Variants in DOCK3 observed in about 807,000 individuals in gnomAD.
DOCK3 encodes dedicator of cytokinesis 3.
DOCK3 carries 60 observed loss-of-function variants against 265.6 expected under a neutral mutation model. That is an observed-to-expected ratio of 0.23 (90% CI 0.18 to 0.28). The LOEUF (loss-of-function observed/expected upper bound fraction) is 0.28. DOCK3 is among the 10% of genes least tolerant of loss of function. The pLI is 1.00. For synonymous variants in DOCK3, 881 were observed against 938.0 expected (o/e 0.94, Z 1.11); for missense variants, 1,981 against 2,594.3 (o/e 0.76, Z 5.14).
chr3:51,011,523 G>A (rs544512411), intron 5 of DOCK3, among the ~76,000 whole-genome samples: 5 of 152,208 alleles, frequency 3.3e-5, no homozygotes, highest in South Asian at 2.1e-4. Context: ...TTAGCCATTC[G>A]TCTAATCTTT....
intron 51 of DOCK3, 65 bp downstream of exon 51, chr3:51,375,900 C>A: frequency 6.4e-7 from 1 of 1,561,364 alleles, no homozygotes; most frequent in Non-Finnish European, 8.8e-7. Context: ...ACTCTTGTCC[C>A]TGAGTACCAG....
At chr3:51,202,539 C>A (rs937586565) in intron 12 of DOCK3, among the ~76,000 whole-genome samples, 2 of 152,066 alleles carry the variant, frequency 1.3e-5, no homozygotes, top group Non-Finnish European at 2.9e-5. Flanking sequence ...GCTTGCCAAC[C>A]AAAAAGAGTC....
chr3:51,036,813 T>G (rs1187857831), intron 5 of DOCK3, among the ~76,000 whole-genome samples: 1 of 152,056 alleles, frequency 6.6e-6, no homozygotes, highest in African/African-American at 2.4e-5. Flanking sequence ...AATCATGGGG[T>G]GGGTCTTTCC....
At chr3:50,727,857 T>TA (rs1205294493) in intron 1 of DOCK3, among the ~76,000 whole-genome samples, 2 of 152,186 alleles carry the variant, frequency 1.3e-5, no homozygotes, top group Non-Finnish European at 2.9e-5. Context: ...ACATCTATAA[T>TA]AATAGCTGGA....
At chr3:51,366,231 C>A (rs1239900002) in intron 49 of DOCK3, among the ~76,000 whole-genome samples, 1 of 152,052 alleles carries the variant, frequency 6.6e-6, no homozygotes, top group Non-Finnish European at 1.5e-5. Flanking sequence ...TGTATGTGTC[C>A]AGGAATTTAT....
chr3:50,865,851 G>T (rs1443874820), intron 3 of DOCK3, among the ~76,000 whole-genome samples: 1 of 152,142 alleles, frequency 6.6e-6, no homozygotes, highest in Non-Finnish European at 1.5e-5. Context: ...CATTTTAACT[G>T]GGGTGAGATG....
At chr3:51,168,055 A>G (rs1413984837) in intron 12 of DOCK3, among the ~76,000 whole-genome samples, 1 of 152,216 alleles carries the variant, frequency 6.6e-6, no homozygotes, top group East Asian at 1.9e-4. Flanking sequence ...ACTATTGAAT[A>G]TGATATTAGC....
At chr3:51,069,887 A>C (rs1392139147) in intron 6 of DOCK3, among the ~76,000 whole-genome samples, 1 of 152,156 alleles carries the variant, frequency 6.6e-6, no homozygotes, top group Non-Finnish European at 1.5e-5. Flanking sequence ...TTAAGGACTC[A>C]CTGATATTTT....
chr3:50,687,847 G>C (rs185094217), intron 1 of DOCK3, among the ~76,000 whole-genome samples: 1 of 152,290 alleles, frequency 6.6e-6, no homozygotes, highest in East Asian at 1.9e-4. Flanking sequence ...TTCTGCAGCT[G>C]TGGTGCTAGT....
chr3:50,782,480 C>T (rs886153322), intron 2 of DOCK3, among the ~76,000 whole-genome samples: 8 of 150,904 alleles, frequency 5.3e-5, no homozygotes, highest in East Asian at 1.9e-4. Flanking sequence ...TTAGTAGAGA[C>T]GGGGTTTCAC....
At chr3:51,308,804 G>T (rs542205747) in intron 27 of DOCK3, among the ~76,000 whole-genome samples, 4 of 139,714 alleles carry the variant, frequency 2.9e-5, no homozygotes, top group Non-Finnish European at 5.0e-5. Flanking sequence ...GCTGCCGGGC[G>T]GAGGGGCTCC....
Position 51,383,110 on chromosome 3 carries a change from T to TCTCCACTGCCCCTC in DOCK3, c.*1552_*1565dup, listed in dbSNP as rs1392353630. On this transcript the variant is annotated 3_prime_UTR_variant, in exon 53 of 53. Coordinates refer to ENST00000266037, the MANE Select transcript of DOCK3 (RefSeq NM_004947.5). ...CCCTGGGCCCAAGCCCCTTGTCCCT[T>TCTCCACTGCCCCTC]CTCCACTGCCCCTCTTTCCAGACAG... The TCTCCACTGCCCCTC allele has an allele frequency of 6.6e-6, 1 of 152,294 alleles. No individual in the cohort carries two copies. The highest frequency in any genetic ancestry group is 1.5e-5 in the Non-Finnish European group (1 of 68,070). 9.4% of individuals were successfully genotyped at this position (152,294 alleles called of 1,614,324 possible).
At chr3:50,765,470 A>T (rs2040818261) in intron 1 of DOCK3, among the ~76,000 whole-genome samples, 1 of 152,148 alleles carries the variant, frequency 6.6e-6, no homozygotes, top group Non-Finnish European at 1.5e-5. Flanking sequence ...TCTTCATGAT[A>T]TTCCTGCAAA....
chr3:51,131,136 A>G (rs1276699565), intron 9 of DOCK3, among the ~76,000 whole-genome samples: 1 of 152,144 alleles, frequency 6.6e-6, no homozygotes, highest in Non-Finnish European at 1.5e-5. Context: ...GCCAGCTGCT[A>G]AGTATGTCTA....
rs147092827 is a variant in DOCK3 at position 50,804,082 on chromosome 3, C to T, written c.121+25324C>T. ...AGACGGGGTCGCGGCCGGGCAGAGG[C>T]GCTCCTTACATCTCAGACGGGGCGG... On this transcript the variant is annotated intron_variant, in intron 2 of 52. Transcript: ENST00000266037. 7.7e-3 allele frequency among the ~76,000 whole-genome samples: 1,162 copies of T among 150,966 alleles called. 16 individuals are homozygous for T. Among genetic ancestry groups the T allele is most frequent in the African/African-American group, 0.027 (1,107 of 41,022 alleles).
At chr3:51,037,026 G>T (rs1051820867) in intron 5 of DOCK3, among the ~76,000 whole-genome samples, 1 of 151,974 alleles carries the variant, frequency 6.6e-6, no homozygotes. Flanking sequence ...CCAGTCTCAG[G>T]TATGTCTTTA....
chr3:51,297,255 A>G (rs962795358), intron 27 of DOCK3, among the ~76,000 whole-genome samples: 3 of 152,164 alleles, frequency 2.0e-5, no homozygotes, highest in Non-Finnish European at 2.9e-5. Flanking sequence ...TTGGAAGAAA[A>G]TGTAGTATAT....
At chr3:50,972,423 C>T (rs2077265766) in intron 5 of DOCK3, among the ~76,000 whole-genome samples, 1 of 152,234 alleles carries the variant, frequency 6.6e-6, no homozygotes, top group Non-Finnish European at 1.5e-5. Context: ...CACACTCTTC[C>T]CTTTTAGAAC....
At position 51,271,042 on chromosome 3, in the gene DOCK3, C is replaced by T. The variant is rs777620280; in HGVS notation, c.2548+35C>T. ...GTTGGGATGAGAGTCCTCCTTCCTTCCAGGGGTGTCCTCCTTCCTTCCAGG... is the reference window on the plus strand; with the variant it reads ...GTTGGGATGAGAGTCCTCCTTCCTTTCAGGGGTGTCCTCCTTCCTTCCAGG... On this transcript the variant is annotated intron_variant, in intron 24 of 52. Coordinates refer to ENST00000266037, the MANE Select transcript of DOCK3 (RefSeq NM_004947.5). The T allele has an allele frequency of 7.0e-6, 11 of 1,582,724 alleles. No homozygotes were observed. In the South Asian group the frequency reaches 8.1e-5, roughly 12 times the overall value.
Sources: gnomAD v4.1 joint callset for allele counts (sites outside exome capture counted in the v4.1 genomes callset) on GRCh38, gnomAD v4.1.1 for gene constraint, MANE v1.5 for transcripts, NCBI Gene and HGNC (gene_info 2026-07-23, HGNC 2026-07-21) for gene names.